Variants in CNTNAP5 observed in about 807,000 individuals in gnomAD.
The protein encoded by CNTNAP5 is contactin associated protein family member 5, also known as contactin-associated protein-like 5.
In CNTNAP5, 72 loss-of-function variants were observed where a neutral mutation model predicts 150.2. That is an observed-to-expected ratio of 0.48 (90% CI 0.40 to 0.58). The LOEUF is 0.58. Among genes scored for constraint, CNTNAP5 ranks in the 20% least tolerant of loss-of-function variants. The pLI is 0.00. For synonymous variants in CNTNAP5, 672 were observed against 619.8 expected, an observed-to-expected ratio of 1.08 and a Z score of -1.25; for missense variants, 1,636 against 1,626.2, an observed-to-expected ratio of 1.01 and a Z score of -0.10.
At chr2:124,526,577 G>A (rs1694973984) in intron 9 of CNTNAP5, among the ~76,000 whole-genome samples, 1 of 152,134 alleles carries the variant, frequency 6.6e-6, no homozygotes, top group Non-Finnish European at 1.5e-5. Context: ...GTCTTAATGA[G>A]AAGTAGATAT....
chr2:124,533,663 G>C (rs147754984), intron 10 of CNTNAP5, among the ~76,000 whole-genome samples: 1 of 152,168 alleles, frequency 6.6e-6, no homozygotes, highest in Admixed American at 6.5e-5. Flanking sequence ...ATCAGCCCAA[G>C]GGGTGCTGCA....
intron 3 of CNTNAP5, among the ~76,000 whole-genome samples, chr2:124,356,134 G>T (rs1374072650): frequency 6.6e-6 from 1 of 152,102 alleles, no homozygotes; most frequent in Non-Finnish European, 1.5e-5. Flanking sequence ...TTTGAAAACT[G>T]TCTTCAGTAC....
chr2:124,056,952 T>A (rs940585738), intron 1 of CNTNAP5, among the ~76,000 whole-genome samples: 1 of 152,182 alleles, frequency 6.6e-6, no homozygotes, highest in Non-Finnish European at 1.5e-5. Context: ...AAAGCTATGT[T>A]CTCCAAAATT....
rs572214503 is a variant in CNTNAP5 at position 124,641,649 on chromosome 2, C to G, written c.1877-6109C>G. On this transcript the variant is annotated intron_variant, in intron 12 of 23. Transcript: ENST00000682447. ...CATAGATAACTACAGCAGAAGTGAC[C>G]CTGGGGACCTTAATATAGACTTGCT... Among the ~76,000 whole-genome samples, 93 of 152,120 alleles carry G rather than the reference C, an allele frequency of 6.1e-4. 1 individual carries two copies. Among genetic ancestry groups the G allele is most frequent in the Middle Eastern group, 6.8e-3 (2 of 294 alleles).
chr2:124,254,190 A>G (rs1687252491), intron 3 of CNTNAP5, among the ~76,000 whole-genome samples: 2 of 152,222 alleles, frequency 1.3e-5, no homozygotes, highest in South Asian at 4.1e-4. Context: ...TTAAATCCTT[A>G]TCTAAAGAAA....
intron 13 of CNTNAP5, among the ~76,000 whole-genome samples, chr2:124,667,111 G>A (rs1223525165): frequency 2.6e-5 from 4 of 152,190 alleles, no homozygotes; most frequent in African/African-American, 9.7e-5. Flanking sequence ...TGGTAGCTGG[G>A]AAAGATTAAC....
chr2:124,483,962 C>T (rs145204331), intron 7 of CNTNAP5, among the ~76,000 whole-genome samples: 2 of 152,322 alleles, frequency 1.3e-5, no homozygotes, highest in African/African-American at 4.8e-5. Context: ...TTGACCCTTA[C>T]TTTTTGTTTG....
chr2:124,865,269 T>C (rs1262166304), intron 19 of CNTNAP5, 37 bp from the exon 20 acceptor site: 11 of 1,522,502 alleles, frequency 7.2e-6, no homozygotes, highest in Middle Eastern at 1.7e-4. Flanking sequence ...TTATAGGTGC[T>C]GCTTTATATT....
At chr2:124,505,456 A>G (rs1026980590) in intron 8 of CNTNAP5, among the ~76,000 whole-genome samples, 1 of 152,140 alleles carries the variant, frequency 6.6e-6, no homozygotes, top group African/African-American at 2.4e-5. Context: ...CATTTAAAAA[A>G]TATATATGTA....
chr2:124,672,040 G>A (rs1050181143), intron 13 of CNTNAP5, among the ~76,000 whole-genome samples: 1 of 152,138 alleles, frequency 6.6e-6, no homozygotes, highest in Non-Finnish European at 1.5e-5. Context: ...CCACAAACTG[G>A]TAGCTTACAC....
intron 7 of CNTNAP5, among the ~76,000 whole-genome samples, chr2:124,489,294 A>C (rs1054153354): frequency 6.6e-6 from 1 of 152,174 alleles, no homozygotes; most frequent in African/African-American, 2.4e-5. Context: ...CAACATGAAA[A>C]TGTCAGCAGG....
chr2:124,601,140 T>C (rs1020723501), intron 11 of CNTNAP5, among the ~76,000 whole-genome samples: 2 of 152,000 alleles, frequency 1.3e-5, no homozygotes, highest in East Asian at 3.9e-4. Flanking sequence ...GAAAACACAA[T>C]TCCTAAAACT....
chr2:124,028,707 T>C (rs1321385516), intron 1 of CNTNAP5, among the ~76,000 whole-genome samples: 1 of 152,132 alleles, frequency 6.6e-6, no homozygotes, highest in Admixed American at 6.5e-5. Context: ...TATGACTTGA[T>C]AGTTGGTTAA....
At chr2:124,334,295 A>G (rs1454093521) in intron 3 of CNTNAP5, among the ~76,000 whole-genome samples, 1 of 152,188 alleles carries the variant, frequency 6.6e-6, no homozygotes, top group East Asian at 1.9e-4. Context: ...AAATATATCA[A>G]GGGAACCAGA....
intron 13 of CNTNAP5, among the ~76,000 whole-genome samples, chr2:124,690,554 T>C (rs1029311440): frequency 6.6e-6 from 1 of 152,090 alleles, no homozygotes; most frequent in Non-Finnish European, 1.5e-5. Flanking sequence ...AGGTAAATGA[T>C]AGACATCTGC....
intron 14 of CNTNAP5, among the ~76,000 whole-genome samples, chr2:124,751,545 T>G (rs2105150341): frequency 6.6e-6 from 1 of 152,356 alleles, no homozygotes; most frequent in African/African-American, 2.4e-5. Flanking sequence ...ATACAAAAGC[T>G]AACACACTTG....
intron 19 of CNTNAP5, among the ~76,000 whole-genome samples, chr2:124,799,752 G>T (rs963337819): frequency 6.6e-6 from 1 of 152,214 alleles, no homozygotes; most frequent in African/African-American, 2.4e-5. Flanking sequence ...GTAAAGAAAT[G>T]ATCAAATGCT....
chr2:124,284,391 A>G (rs1233163819), intron 3 of CNTNAP5, among the ~76,000 whole-genome samples: 1 of 152,060 alleles, frequency 6.6e-6, no homozygotes, highest in Non-Finnish European at 1.5e-5. Context: ...GGGAGGGGCT[A>G]GGTTGGCCAG....
chr2:124,533,542 C>T (rs1389479433), intron 10 of CNTNAP5, among the ~76,000 whole-genome samples: 2 of 152,110 alleles, frequency 1.3e-5, no homozygotes, highest in Admixed American at 6.5e-5. Context: ...AGGGATGGTT[C>T]CTGCCCCCAC....
Sources: allele counts gnomAD v4.1 joint callset (sites outside exome capture counted in the v4.1 genomes callset), GRCh38; gene constraint gnomAD v4.1.1; transcripts MANE v1.5; gene names NCBI Gene and HGNC (gene_info 2026-07-23, HGNC 2026-07-21).